CTNNA2: variants seen among roughly 807,000 people sequenced by gnomAD.
CTNNA2 encodes catenin alpha 2.
A neutral mutation model predicts 101.0 loss-of-function variants in CTNNA2; 42 were observed. That is an observed-to-expected ratio of 0.42 (90% confidence interval 0.32 to 0.54). The LOEUF (loss-of-function observed/expected upper bound fraction) is 0.54. Among genes scored for constraint, CTNNA2 ranks in the 20% least tolerant of loss-of-function variants. CTNNA2 has a pLI of 0.14. For missense variants in CTNNA2, 871 were observed against 1,223.1 expected, an observed-to-expected ratio of 0.71 and a Z score of 4.29; for synonymous variants, 450 against 456.4, an observed-to-expected ratio of 0.99 and a Z score of 0.18.
chr2:79,714,800 A>G (rs910210066), intron 2 of CTNNA2, among the ~76,000 whole-genome samples: 1 of 152,156 alleles, frequency 6.6e-6, no homozygotes, highest in African/African-American at 2.4e-5. Context: ...TGAAACATTA[A>G]TTACAGCTCT....
rs555589588 is a variant in CTNNA2, at chr2:80,245,528, A to G, written c.1057-147683A>G. On this transcript the variant is annotated intron_variant, in intron 7 of 18. Transcript: ENST00000402739. ...TCCTTATAGTCCCACAGATACATCAATTTCACTTCTGCCTTCTATGCCTTT... is the reference window on the plus strand; with the variant it reads ...TCCTTATAGTCCCACAGATACATCAGTTTCACTTCTGCCTTCTATGCCTTT... Among the ~76,000 whole-genome samples, 9 of 152,118 alleles carry G rather than the reference A, an allele frequency of 5.9e-5. No homozygotes were observed. In the South Asian group the frequency reaches 6.2e-4, roughly 11 times the overall value.
At chr2:80,541,788 T>C (rs1043767108) in intron 9 of CTNNA2, among the ~76,000 whole-genome samples, 3 of 151,856 alleles carry the variant, frequency 2.0e-5, no homozygotes, top group African/African-American at 4.8e-5. Context: ...CACACTCAGG[T>C]TTCCCTAGCT....
At chr2:79,566,333 T>G (rs1427440222) in intron 1 of CTNNA2, among the ~76,000 whole-genome samples, 1 of 152,176 alleles carries the variant, frequency 6.6e-6, no homozygotes, top group East Asian at 1.9e-4. Context: ...CTTTCCCATG[T>G]TGCAGGAGCA....
intron 3 of CTNNA2, among the ~76,000 whole-genome samples, chr2:79,372,804 G>T (rs187170466): frequency 6.6e-6 from 1 of 152,162 alleles, no homozygotes; most frequent in Admixed American, 6.5e-5. Context: ...AGGCTATAAG[G>T]CAATTGAACG....
chr2:79,388,906 A>C (rs542061400), intron 4 of CTNNA2, among the ~76,000 whole-genome samples: 2 of 152,182 alleles, frequency 1.3e-5, no homozygotes, highest in African/African-American at 4.8e-5. Flanking sequence ...CAACATAAAA[A>C]TTCACCTGCA....
chr2:80,126,085 G>T lies in CTNNA2; in HGVS notation c.1056+216288G>T, dbSNP rs140313691. On this transcript the variant is annotated intron_variant, in intron 7 of 18. Coordinates refer to ENST00000402739, the MANE Select transcript of CTNNA2 (RefSeq NM_001282597.3). ...TCCCCATACTCCTATATAGATTTTT[G>T]CCCTGTGTAGAGTTGTGCTGTTTCT... Among the ~76,000 whole-genome samples the T allele has an allele frequency of 2.8e-3, 419 of 152,068 alleles. 3 individuals carry two copies. Among genetic ancestry groups the T allele is most frequent in the African/African-American group, 9.2e-3 (382 of 41,472 alleles).
intron 7 of CTNNA2, among the ~76,000 whole-genome samples, chr2:80,282,238 C>T (rs1393980141): frequency 6.6e-6 from 1 of 151,922 alleles, no homozygotes; most frequent in African/African-American, 2.4e-5. Flanking sequence ...TCACTTCAAA[C>T]CATTTCCCTG....
chr2:79,863,797 G>T (rs115720810), intron 4 of CTNNA2, among the ~76,000 whole-genome samples: 1 of 152,242 alleles, frequency 6.6e-6, no homozygotes, highest in South Asian at 2.1e-4. Flanking sequence ...TGGGTCACTT[G>T]ATGACAAAGG....
chr2:80,019,889 C>T (rs895810726), intron 7 of CTNNA2, among the ~76,000 whole-genome samples: 1 of 152,162 alleles, frequency 6.6e-6, no homozygotes, highest in Non-Finnish European at 1.5e-5. Flanking sequence ...TAACTATAGT[C>T]TCTGTACGAG....
At chr2:79,664,502 G>T (rs1682256411) in intron 2 of CTNNA2, among the ~76,000 whole-genome samples, 8 of 151,928 alleles carry the variant, frequency 5.3e-5, no homozygotes, top group Admixed American at 4.6e-4. Context: ...ACTACCTCTT[G>T]ACCATGGTTT....
Position 80,618,463 on chromosome 2 carries a change from C to T in CTNNA2, c.2431-622C>T, listed in dbSNP as rs1699029756. Among the ~76,000 whole-genome samples, 3 of 151,992 alleles carry T rather than the reference C, an allele frequency of 2.0e-5. No homozygotes were observed. The South Asian group carries it at 6.2e-4, about 31-fold the overall frequency. On this transcript the variant is annotated intron_variant, in intron 17 of 18. Coordinates refer to ENST00000402739, the MANE Select transcript of CTNNA2 (RefSeq NM_001282597.3). ...GGTAGAAAAGGGCATTGGTTATTGG[C>T]TTATCCTTTAAATTATGCCCCTCAC...
chr2:80,001,760 C>T (rs1391752821), intron 7 of CTNNA2, among the ~76,000 whole-genome samples: 2 of 152,160 alleles, frequency 1.3e-5, no homozygotes, highest in African/African-American at 2.4e-5. Flanking sequence ...CCTCCTGTGC[C>T]TCACCCCCAC....
At chr2:80,300,868 A>C (rs1462430573) in intron 7 of CTNNA2, among the ~76,000 whole-genome samples, 2 of 151,808 alleles carry the variant, frequency 1.3e-5, no homozygotes, top group Non-Finnish European at 2.9e-5. Flanking sequence ...CTCACTCTTT[A>C]GTTCAATAGA....
chr2:80,407,311 A>T (rs573212105), intron 8 of CTNNA2, among the ~76,000 whole-genome samples: 2 of 152,174 alleles, frequency 1.3e-5, no homozygotes, highest in African/African-American at 4.8e-5. Flanking sequence ...ATGCTTGGTT[A>T]TAAGTAAGCA....
intron 7 of CTNNA2, among the ~76,000 whole-genome samples, chr2:79,935,269 T>C: frequency 6.6e-6 from 1 of 151,974 alleles, no homozygotes; most frequent in East Asian, 1.9e-4. Context: ...AAAAATTAAA[T>C]GCCTTGTCCA....
At chr2:79,340,616 G>A (rs926645569) in intron 3 of CTNNA2, among the ~76,000 whole-genome samples, 2 of 151,944 alleles carry the variant, frequency 1.3e-5, no homozygotes, top group East Asian at 1.9e-4. Flanking sequence ...GGCGGATCAC[G>A]AGGTCAGGAG....
intron 12 of CTNNA2, among the ~76,000 whole-genome samples, chr2:80,558,069 A>G (rs554948771): frequency 6.6e-6 from 1 of 152,252 alleles, no homozygotes; most frequent in African/African-American, 2.4e-5. Context: ...ACTTTTCAGG[A>G]TTTATTGAAG....
chr2:79,576,073 T>G (rs1675775968), intron 1 of CTNNA2, among the ~76,000 whole-genome samples: 1 of 152,188 alleles, frequency 6.6e-6, no homozygotes. Context: ...TTTTTGGACT[T>G]ACTTATGAAT....
chr2:80,189,128 A>G (rs964897845), intron 7 of CTNNA2, among the ~76,000 whole-genome samples: 1 of 151,314 alleles, frequency 6.6e-6, no homozygotes, highest in African/African-American at 2.4e-5. Context: ...AATTTTTTGT[A>G]TTTTTAGTAG....
Sources: allele counts gnomAD v4.1 joint callset (sites outside exome capture counted in the v4.1 genomes callset), GRCh38; gene constraint gnomAD v4.1.1; transcripts MANE v1.5; gene names NCBI Gene and HGNC (gene_info 2026-07-23, HGNC 2026-07-21).